The following TAGLN variants were observed in gnomAD, a reference collection of about 807,000 sequenced individuals.
The protein encoded by TAGLN is 22 kDa actin-binding protein.
Under a neutral mutation model 21.9 loss-of-function variants are expected in TAGLN, and 16 were observed. The observed-to-expected ratio is 0.73, with a 90% CI of 0.49 to 1.11. TAGLN has a LOEUF of 1.11. TAGLN is among the 50% of genes least tolerant of loss of function. The pLI is 0.00. For synonymous variants in TAGLN, 96 were observed against 94.9 expected, an observed-to-expected ratio of 1.01 and a Z score of -0.06; for missense variants, 248 against 263.2, an observed-to-expected ratio of 0.94 and a Z score of 0.40.
chr11:117,204,713 C>T lies in TAGLN; in HGVS notation c.*354C>T, dbSNP rs1395529817. ...AAAAGCCCATTGAAGAAGAACCAGC[C>T]CAGCCTGCCCCCTATCTTGTCCTGG... On this transcript the variant is annotated 3_prime_UTR_variant, in exon 5 of 5. Coordinates refer to ENST00000392951, the MANE Select transcript of TAGLN (RefSeq NM_003186.5). 2.7e-6 allele frequency: 1 copy of T among 371,456 alleles called. No homozygotes were observed. Among genetic ancestry groups the T allele is most frequent in the Non-Finnish European group, 5.1e-6 (1 of 195,262 alleles). 23.0% of individuals were successfully genotyped at this position (371,456 alleles called of 1,614,324 possible).
chr11:117,200,812 G>A (rs1391203009), intron 1 of TAGLN, among the ~76,000 whole-genome samples: 1 of 152,158 alleles, frequency 6.6e-6, no homozygotes, highest in Non-Finnish European at 1.5e-5. Context: ...GGAAGCTGGG[G>A]GTAGGGGACA....
rs2031247258 is a variant in TAGLN at position 117,204,392 on chromosome 11, C to G, written c.*33C>G. On this transcript the variant is annotated 3_prime_UTR_variant, in exon 5 of 5. Transcript: ENST00000392951. Reference sequence around the variant, plus strand: ...AGGGCTAGCCCTGAGCCCGGCCCTCCCCCAGCTCCTTGGCTGCAGCCATCC... The same window carrying G: ...AGGGCTAGCCCTGAGCCCGGCCCTCGCCCAGCTCCTTGGCTGCAGCCATCC... 6.2e-7 allele frequency: 1 copy of G among 1,614,110 alleles called. No homozygotes were observed. The highest frequency in any genetic ancestry group is 8.5e-7 in the Non-Finnish European group (1 of 1,179,964).
At position 117,203,584 on chromosome 11, in the gene TAGLN, G is replaced by T; in HGVS notation, c.358+100G>T. The T allele has an allele frequency of 7.1e-7, 1 of 1,413,320 alleles. No homozygotes were observed. The highest frequency in any genetic ancestry group is 1.3e-5 in the South Asian group (1 of 78,670). 87.5% of individuals were successfully genotyped at this position (1,413,320 alleles called of 1,614,324 possible). A position where few individuals can be genotyped will look rare whatever the true frequency, so the allele number is the denominator to read the frequency against. On this transcript the variant is annotated intron_variant, in intron 3 of 4. Coordinates refer to ENST00000392951, the MANE Select transcript of TAGLN (RefSeq NM_003186.5). This position sits in a 1 kb window ranked among gnomAD's most constrained non-coding sequence, Gnocchi z 4.4. ...ATATGCCACAACTAGGGGTGTGCTT[G>T]CCCGCACACAGCAGGGATGGGATAT... is the stretch of plus-strand genomic sequence containing the variant.
chr11:117,202,903 G>A (rs1035897541), intron 1 of TAGLN, 99 bp from the exon 2 acceptor site: 29 of 1,128,958 alleles, frequency 2.6e-5, no homozygotes, highest in African/African-American at 1.3e-4. Context: ...TAGGATGGCC[G>A]GGTATCCTGC....
chr11:117,205,786 C>G lies in TAGLN; in HGVS notation c.*1427C>G. On this transcript the variant is annotated 3_prime_UTR_variant, in exon 5 of 5. Transcript: ENST00000392951. ...CTGTCCAACACCTTCTCACCAAAAG[C>G]TCCCGTTTGGCTGGAGGCAGACCCT... 2.2e-6 allele frequency: 1 copy of G among 447,356 alleles called. No homozygotes were observed. 27.7% of individuals were successfully genotyped at this position (447,356 alleles called of 1,614,324 possible). A position where few individuals can be genotyped will look rare whatever the true frequency, so the allele number is the denominator to read the frequency against.
At position 117,203,049 on chromosome 11, in the gene TAGLN, C is replaced by T. The variant is rs536155414; in HGVS notation, c.36C>T (p.Arg12=). The part of the protein sequence containing the change: ...ANKGPSYGMS[R]EVQSKIEKKY... ...AGGGTCCTTCCTATGGCATGAGCCG[C>T]GAAGTGCAGTCCAAAATCGAGAAGA... The change falls in exon 2 of 5, where the codon CGC becomes CGT. Residue 12 remains arginine (R), a synonymous_variant. Transcript: ENST00000392951. This position sits in a 1 kb window ranked among gnomAD's most constrained non-coding sequence, Gnocchi z 4.4. 25 of 1,599,350 alleles carry T rather than the reference C, an allele frequency of 1.6e-5. No individual in the cohort carries two copies. The highest frequency in any genetic ancestry group is 1.7e-4 in the Middle Eastern group (1 of 5,976).
At position 117,206,330 on chromosome 11, in the gene TAGLN, G is replaced by A. The variant is rs145787133; in HGVS notation, c.*1971G>A. ...GCATGTAGTAAACAGTCCAGAAGAC[G>A]GTGAAACAGCCTACCAGCACCAGGG... On this transcript the variant is annotated 3_prime_UTR_variant, in exon 5 of 5. Transcript: ENST00000392951. 9.4e-5 allele frequency: 151 copies of A among 1,610,762 alleles called. No homozygotes were observed. The highest frequency in any genetic ancestry group is 3.3e-4 in the Middle Eastern group (2 of 6,080).
At chr11:117,199,316 G>A (rs2030988260), upstream of TAGLN, 1 of 152,378 alleles carries the variant, frequency 6.6e-6, no homozygotes, top group Admixed American at 6.5e-5. Flanking sequence ...CAGTGGGGGA[G>A]GCTGACATCA....
intron 1 of TAGLN, 97 bp from the exon 2 acceptor site, chr11:117,202,905 G>A: frequency 8.6e-7 from 1 of 1,159,968 alleles, no homozygotes. Context: ...GGATGGCCGG[G>A]TATCCTGCAC....
rs1370061924 is a variant in TAGLN at position 117,205,810 on chromosome 11, C to T, written c.*1451C>T. 4.0e-6 allele frequency: 2 copies of T among 494,914 alleles called. No homozygotes were observed. Among genetic ancestry groups the T allele is most frequent in the Non-Finnish European group, 7.1e-6 (2 of 281,444 alleles). 30.7% of individuals were successfully genotyped at this position (494,914 alleles called of 1,614,324 possible). A position where few individuals can be genotyped will look rare whatever the true frequency, so the allele number is the denominator to read the frequency against. ...GCTCCCGTTTGGCTGGAGGCAGACCCTGTGGCTCTGACCAGACTTCTCTGG... is the reference window on the plus strand; with the variant it reads ...GCTCCCGTTTGGCTGGAGGCAGACCTTGTGGCTCTGACCAGACTTCTCTGG... On this transcript the variant is annotated 3_prime_UTR_variant, in exon 5 of 5. Coordinates refer to ENST00000392951, the MANE Select transcript of TAGLN (RefSeq NM_003186.5).
At chr11:117,202,723 T>G (rs1051725985) in intron 1 of TAGLN, 3 of 239,722 alleles carry the variant, frequency 1.3e-5, no homozygotes, top group African/African-American at 6.7e-5. Context: ...AGACCATGTG[T>G]CCTGCAAAGC....
At position 117,205,604 on chromosome 11, in the gene TAGLN, C is replaced by A. The variant is rs1029229204; in HGVS notation, c.*1245C>A. On this transcript the variant is annotated 3_prime_UTR_variant, in exon 5 of 5. Coordinates refer to ENST00000392951, the MANE Select transcript of TAGLN (RefSeq NM_003186.5). ...CCCCGAAGTCCTCTTCCCAAGTGAC[C>A]CCAGTGATGTTTCCATTGAGATGCG... 1.6e-5 allele frequency: 4 copies of A among 244,082 alleles called. No homozygotes were observed. In the Admixed American group the frequency reaches 2.2e-4, roughly 13 times the overall value. The allele number at this position is 244,082 out of a possible 1,614,324, so 15.1% of individuals were successfully genotyped here. A position where few individuals can be genotyped will look rare whatever the true frequency, so the allele number is the denominator to read the frequency against.
In TAGLN at chr11:117,203,922, G is replaced by C. The variant is rs1307488713; in HGVS notation, c.461+38G>C. 6.4e-7 allele frequency: 1 copy of C among 1,556,426 alleles called. No homozygotes were observed. Among genetic ancestry groups the C allele is most frequent in the Non-Finnish European group, 8.9e-7 (1 of 1,127,904 alleles). ...CAGGGAGCTTGGGTCTCCGCATGGGGTGGGAGGTGGCTTGTTCTAAGGAGC... is the reference window on the plus strand; with the variant it reads ...CAGGGAGCTTGGGTCTCCGCATGGGCTGGGAGGTGGCTTGTTCTAAGGAGC... On this transcript the variant is annotated intron_variant, in intron 4 of 4. Transcript: ENST00000392951. This position sits in a 1 kb window ranked among gnomAD's most constrained non-coding sequence, Gnocchi z 4.4.
In TAGLN at chr11:117,204,250, G is replaced by A. The variant is rs772680088; in HGVS notation, c.497G>A (p.Ser166Asn). 1.9e-6 allele frequency: 3 copies of A among 1,614,150 alleles called. No individual in the cohort carries two copies. Among genetic ancestry groups the A allele is most frequent in the Middle Eastern group, 3.3e-4 (2 of 6,084 alleles). Residue 166 changes from serine to asparagine, a missense_variant, in exon 5 of 5, where the codon AGC becomes AAC. By Grantham distance (46) the Ser-to-Asn change is conservative. Transcript: ENST00000392951. The stretch of plus-strand genomic sequence containing the variant: ...GAGCATAAGAGGGAATTCACAGAGA[G>A]CCAGCTGCAGGAGGGAAAGCATGTC... ...AQEHKREFTE[S>N]QLQEGKHVIG...
chr11:117,204,248 G>C lies in TAGLN; in HGVS notation c.495G>C (p.Glu165Asp), dbSNP rs1591781190. The C allele has an allele frequency of 6.2e-7, 1 of 1,614,126 alleles. No individual in the cohort carries two copies. Among genetic ancestry groups the C allele is most frequent in the African/African-American group, 1.3e-5 (1 of 74,936 alleles). The change falls in exon 5 of 5, where the codon GAG (glutamate) becomes GAC (aspartate). Residue 165 changes from glutamate to aspartate, a missense_variant. Physicochemically the swap from Glu to Asp is conservative, Grantham distance 45. Transcript: ENST00000392951. ...KAQEHKREFTESQLQEGKHVI... is the reference protein window; with the variant it reads ...KAQEHKREFTDSQLQEGKHVI... ...AGGAGCATAAGAGGGAATTCACAGA[G>C]AGCCAGCTGCAGGAGGGAAAGCATG...
chr11:117,204,357 T>TA lies in TAGLN; in HGVS notation c.605dup (p.Ter202=). Residue 202 remains the stop codon, a frameshift_variant and stop_retained_variant, in exon 5 of 5, where the codon TAG becomes TAAG. Coordinates refer to ENST00000392951, the MANE Select transcript of TAGLN (RefSeq NM_003186.5). LOFTEE classifies it high-confidence loss of function. ...GYGRPRQIIS[*] The stretch of plus-strand genomic sequence containing the variant: ...CGGACGACCTCGGCAGATCATCAGT[T>TA]AGAGCGGAGAGGGCTAGCCCTGAGC... 4 of 1,614,188 alleles carry TA rather than the reference T, an allele frequency of 2.5e-6. No homozygotes were observed. Among genetic ancestry groups the TA allele is most frequent in the Non-Finnish European group, 2.5e-6 (3 of 1,179,996 alleles).
Position 117,206,328 on chromosome 11 carries a change from A to G in TAGLN, c.*1969A>G, listed in dbSNP as rs749208023. On this transcript the variant is annotated 3_prime_UTR_variant, in exon 5 of 5. Transcript: ENST00000392951. Reference sequence around the variant, plus strand: ...CAGCATGTAGTAAACAGTCCAGAAGACGGTGAAACAGCCTACCAGCACCAG... The same window carrying G: ...CAGCATGTAGTAAACAGTCCAGAAGGCGGTGAAACAGCCTACCAGCACCAG... 41 of 1,611,056 alleles carry G rather than the reference A, an allele frequency of 2.5e-5. No individual in the cohort carries two copies. The highest frequency in any genetic ancestry group is 3.5e-5 in the Non-Finnish European group (41 of 1,177,590).
In TAGLN at chr11:117,204,342, C is replaced by T. The variant is rs1234635687; in HGVS notation, c.589C>T (p.Arg197Trp). The change falls in exon 5 of 5, where the codon CGG becomes TGG. Residue 197 changes from arginine to tryptophan, a missense_variant. Coordinates refer to ENST00000392951, the MANE Select transcript of TAGLN (RefSeq NM_003186.5). ...QAGMTGYGRP[R>W]QIIS is the part of the protein sequence containing the mutation. ...CGGCATGACAGGCTACGGACGACCT[C>T]GGCAGATCATCAGTTAGAGCGGAGA... 3.1e-6 allele frequency: 5 copies of T among 1,614,112 alleles called. No individual in the cohort carries two copies. Among genetic ancestry groups the T allele is most frequent in the Middle Eastern group, 3.3e-4 (2 of 6,084 alleles).
chr11:117,199,783 G>C (rs921959768), intron 1 of TAGLN: 1 of 152,208 alleles, frequency 6.6e-6, no homozygotes, highest in Non-Finnish European at 1.5e-5. Context: ...GGCCGGTTAG[G>C]CCAAGGCTCT....
Sources: allele counts gnomAD v4.1 joint callset (sites outside exome capture counted in the v4.1 genomes callset), GRCh38; gene constraint gnomAD v4.1.1; non-coding constraint Gnocchi (gnomAD v3.1); transcripts MANE v1.5; gene names NCBI Gene and HGNC (gene_info 2026-07-23, HGNC 2026-07-21).